Variants in B3GALNT2 observed in about 807,000 individuals in gnomAD.
B3GALNT2 encodes the protein UDP-GalNAc:beta-1,3-N-acetylgalactosaminyltransferase 2.
Under a neutral mutation model 61.1 loss-of-function variants are expected in B3GALNT2, and 53 were observed. The ratio of observed to expected loss-of-function variants is 0.87; its 90% confidence interval spans 0.70 to 1.09. B3GALNT2 has a LOEUF of 1.09. Among genes scored for constraint, B3GALNT2 ranks in the 50% least tolerant of loss-of-function variants. The pLI is 0.00. For missense variants in B3GALNT2, 544 were observed against 623.0 expected, an observed-to-expected ratio of 0.87 and a Z score of 1.35; for synonymous variants, 223 against 237.4, an observed-to-expected ratio of 0.94 and a Z score of 0.56.
rs1296915131 is a variant in B3GALNT2 at position 235,449,062 on chromosome 1, C to T, written c.*1144G>A. Reference sequence around the variant, plus strand: ...ATTAAATAGAAAGAAACTAGCTAGCCTAATAAAATCTGAACACAGTTAATA... The same window carrying T: ...ATTAAATAGAAAGAAACTAGCTAGCTTAATAAAATCTGAACACAGTTAATA... On this transcript the variant is annotated 3_prime_UTR_variant, in exon 12 of 12. Transcript: ENST00000366600. 1.5e-5 allele frequency: 5 copies of T among 332,964 alleles called. No individual in the cohort carries two copies. In the Admixed American group the frequency reaches 2.2e-4, roughly 15 times the overall value. 20.6% of individuals were successfully genotyped at this position (332,964 alleles called of 1,614,324 possible).
At chr1:235,465,590 T>C (rs1203914852) in intron 7 of B3GALNT2, 46 bp downstream of exon 7, 6 of 1,606,228 alleles carry the variant, frequency 3.7e-6, no homozygotes, top group African/African-American at 1.3e-5. Flanking sequence ...AAAGATTAAG[T>C]ATAAGACATT....
At chr1:235,450,515 A>G (rs1472053195) in intron 11 of B3GALNT2, 175 bp from the exon 12 acceptor site, 3 of 682,936 alleles carry the variant, frequency 4.4e-6, no homozygotes, top group African/African-American at 3.6e-5. Flanking sequence ...GATTTGGGAA[A>G]GCACCAGGTC....
In B3GALNT2 at chr1:235,449,428, A is replaced by C. The variant is rs1230002114; in HGVS notation, c.*778T>G. 6.5e-6 allele frequency: 1 copy of C among 153,462 alleles called. No individual in the cohort carries two copies. Among genetic ancestry groups the C allele is most frequent in the Non-Finnish European group, 1.4e-5 (1 of 68,978 alleles). 9.5% of individuals were successfully genotyped at this position (153,462 alleles called of 1,614,324 possible). Reference sequence around the variant, plus strand: ...TTCAAAATGTCAACAAAATTTAGAAATATCCTTCCCGATGGCACTAAAACC... The same window carrying C: ...TTCAAAATGTCAACAAAATTTAGAACTATCCTTCCCGATGGCACTAAAACC... On this transcript the variant is annotated 3_prime_UTR_variant, in exon 12 of 12. Transcript: ENST00000366600.
intron 5 of B3GALNT2, among the ~76,000 whole-genome samples, chr1:235,473,855 G>A (rs1002176946): frequency 2.0e-5 from 3 of 152,152 alleles, no homozygotes; most frequent in South Asian, 2.1e-4. Flanking sequence ...ATGATAAAAC[G>A]AGTAATTCTC....
At chr1:235,490,756 C>T (rs181742503) in intron 2 of B3GALNT2, among the ~76,000 whole-genome samples, 4 of 151,846 alleles carry the variant, frequency 2.6e-5, no homozygotes, top group East Asian at 1.9e-4. Context: ...AAAGGAAATA[C>T]TCAAATTAAT....
chr1:235,483,476 C>T (rs1426837103), intron 4 of B3GALNT2, among the ~76,000 whole-genome samples: 4 of 152,100 alleles, frequency 2.6e-5, no homozygotes, highest in Admixed American at 6.6e-5. Context: ...CGGTGCCTCA[C>T]GCCTGTAATC....
intron 7 of B3GALNT2, 107 bp from the exon 8 acceptor site, chr1:235,458,893 A>T: frequency 9.7e-7 from 1 of 1,028,780 alleles, no homozygotes; most frequent in Non-Finnish European, 1.3e-6. Context: ...CAGCAGAAAC[A>T]CATGCAGTTG....
In B3GALNT2 at chr1:235,457,275, A is replaced by G. The variant is rs184072794; in HGVS notation, c.1025+1328T>C. 6.8e-4 allele frequency among the ~76,000 whole-genome samples: 103 copies of G among 152,268 alleles called. 1 individual carries two copies. The East Asian group carries it at 0.011, about 16-fold the overall frequency. ...GCCTAGGGCAACAGAGAAGAAAAGA[A>G]AGAGACAGACCCTGGGCCTCACACC... On this transcript the variant is annotated intron_variant, in intron 8 of 11. Coordinates refer to ENST00000366600, the MANE Select transcript of B3GALNT2 (RefSeq NM_152490.5).
At chr1:235,460,930 CAATT>C (rs1411339708) in intron 7 of B3GALNT2, among the ~76,000 whole-genome samples, 4 of 152,182 alleles carry the variant, frequency 2.6e-5, no homozygotes, top group African/African-American at 7.2e-5. Flanking sequence ...GCTTAAAAGA[CAATT>C]TATTTGCCAC....
At chr1:235,440,289 T>G in the B3GALNT2 span, among the ~76,000 whole-genome samples, 1 of 149,358 alleles carries the variant, frequency 6.7e-6, no homozygotes, top group South Asian at 2.1e-4. Flanking sequence ...ACTTCTTAAA[T>G]GTAGGTTCTT....
At chr1:235,466,840 G>C (rs116417130) in intron 6 of B3GALNT2, among the ~76,000 whole-genome samples, 187 of 152,328 alleles carry the variant, frequency 1.2e-3, no homozygotes, top group African/African-American at 4.4e-3. Flanking sequence ...ACATCTACCA[G>C]AGTATTGTCT....
chr1:235,440,659 G>A, the B3GALNT2 span, among the ~76,000 whole-genome samples: 2 of 152,154 alleles, frequency 1.3e-5, no homozygotes, highest in Non-Finnish European at 2.9e-5. Context: ...CTCCCAAAGT[G>A]CTGGGATTAC....
chr1:235,448,190 A>G lies in B3GALNT2; in HGVS notation c.*2016T>C, dbSNP rs1291841533. Among the ~76,000 whole-genome samples, 2 of 146,912 alleles carry G rather than the reference A, an allele frequency of 1.4e-5. No homozygotes were observed. Among genetic ancestry groups the G allele is most frequent in the African/African-American group, 5.2e-5 (2 of 38,446 alleles). On this transcript the variant is annotated 3_prime_UTR_variant, in exon 12 of 12. Coordinates refer to ENST00000366600, the MANE Select transcript of B3GALNT2 (RefSeq NM_152490.5). ...ACTCCAGCCTGGGCGACAGAGCAAG[A>G]CTTACTTAAGTAAGTAAGTAAGTCA...
intron 1 of B3GALNT2, among the ~76,000 whole-genome samples, chr1:235,498,125 C>G (rs1685413502): frequency 6.6e-6 from 1 of 152,100 alleles, no homozygotes; most frequent in South Asian, 2.1e-4. Context: ...GTAAATTAGT[C>G]CAATAGACTC....
At chr1:235,466,433 T>A (rs1203331798) in intron 6 of B3GALNT2, among the ~76,000 whole-genome samples, 1 of 152,050 alleles carries the variant, frequency 6.6e-6, no homozygotes, top group Non-Finnish European at 1.5e-5. Context: ...TGCAATGATA[T>A]CTCATTCTAG....
chr1:235,476,579 G>A (rs1197617660), intron 5 of B3GALNT2, among the ~76,000 whole-genome samples: 1 of 152,082 alleles, frequency 6.6e-6, no homozygotes. Flanking sequence ...GCCAGGCGTG[G>A]TGGCTCATGT....
At chr1:235,490,774 T>C (rs146884514) in intron 2 of B3GALNT2, among the ~76,000 whole-genome samples, 1 of 152,112 alleles carries the variant, frequency 6.6e-6, no homozygotes, top group East Asian at 1.9e-4. Flanking sequence ...AATCACTTAA[T>C]GTTTTACTAC....
At chr1:235,443,115 T>C, downstream of B3GALNT2, 1 of 599,200 alleles carries the variant, frequency 1.7e-6, no homozygotes, top group East Asian at 2.9e-5. Flanking sequence ...CTCCCCTAAC[T>C]TTATCAGCTG....
At chr1:235,453,019 A>G (rs1030005668) in intron 11 of B3GALNT2, 71 bp downstream of exon 11, 1 of 1,352,942 alleles carries the variant, frequency 7.4e-7, no homozygotes, top group Non-Finnish European at 1.0e-6. Flanking sequence ...TGGATAAAGA[A>G]CACTCAACCT....
Sources: allele counts gnomAD v4.1 joint callset (sites outside exome capture counted in the v4.1 genomes callset), GRCh38; gene constraint gnomAD v4.1.1; transcripts MANE v1.5; gene names NCBI Gene and HGNC (gene_info 2026-07-23, HGNC 2026-07-21).